The following COL17A1 variants were observed in gnomAD, a reference collection of about 807,000 sequenced individuals.
The protein encoded by COL17A1 is collagen alpha-1(XVII) chain.
COL17A1 carries 181 observed loss-of-function variants against 218.4 expected under a neutral mutation model. The observed-to-expected ratio is 0.83, with a 90% CI of 0.73 to 0.94. The LOEUF is 0.94. COL17A1 is among the 40% of genes least tolerant of loss of function. The pLI is 0.00. For synonymous variants in COL17A1, 721 were observed against 731.0 expected, an observed-to-expected ratio of 0.99 and a Z score of 0.22; for missense variants, 1,924 against 1,945.9, an observed-to-expected ratio of 0.99 and a Z score of 0.21.
At chr10:104,062,454 C>T in intron 11 of COL17A1, 125 bp from the exon 12 acceptor site, 1 of 1,290,666 alleles carries the variant, frequency 7.7e-7, no homozygotes, top group South Asian at 1.2e-5. Flanking sequence ...TCCCAAACTT[C>T]CTCGGTTCCC....
Position 104,039,595 on chromosome 10 carries a change from G to C in COL17A1, c.2821+13C>G. ...CTGGCCAGAGCCAGAATGGGGCGGG[G>C]TTCAGCCCTTACCTGAGGTTGAGAA... On this transcript the variant is annotated intron_variant, in intron 42 of 55. Coordinates refer to ENST00000648076, the MANE Select transcript of COL17A1 (RefSeq NM_000494.4). 1 of 1,614,180 alleles carries C rather than the reference G, an allele frequency of 6.2e-7. No homozygotes were observed. The highest frequency in any genetic ancestry group is 1.7e-5 in the Admixed American group (1 of 60,030).
chr10:104,067,358 A>T (rs2086635299), intron 9 of COL17A1, among the ~76,000 whole-genome samples: 1 of 147,790 alleles, frequency 6.8e-6, no homozygotes, highest in African/African-American at 2.5e-5. Flanking sequence ...AAAAAAAAAA[A>T]TCAGGATTAC....
chr10:104,050,451 G>A (rs2086457511), intron 27 of COL17A1, among the ~76,000 whole-genome samples, 170 bp downstream of exon 27: 1 of 152,138 alleles, frequency 6.6e-6, no homozygotes, highest in Non-Finnish European at 1.5e-5. Flanking sequence ...TGTGATGTTA[G>A]TGCTTTGTTT....
At chr10:104,058,662 G>C (rs1227008694) in intron 15 of COL17A1, among the ~76,000 whole-genome samples, 1 of 152,120 alleles carries the variant, frequency 6.6e-6, no homozygotes, top group South Asian at 2.1e-4. Context: ...GGCCAGGCAC[G>C]GTGACTCACG....
intron 6 of COL17A1, 70 bp from the exon 7 acceptor site, chr10:104,073,315 G>T: frequency 7.1e-7 from 1 of 1,400,544 alleles, no homozygotes. Flanking sequence ...TGACATGGAG[G>T]CAGATATATT....
chr10:104,039,396 C>G (rs1472393620), intron 43 of COL17A1, 49 bp downstream of exon 43: 2 of 1,590,676 alleles, frequency 1.3e-6, no homozygotes, highest in Admixed American at 3.3e-5. Context: ...GCTCTGGGCA[C>G]CAGGCTCACC....
At position 104,053,070 on chromosome 10, in the gene COL17A1, C is replaced by T. The variant is rs755604780; in HGVS notation, c.1900G>A (p.Glu634Lys). The change falls in exon 23 of 56, where the codon GAG becomes AAG. Residue 634 changes from glutamate (E) to lysine (K), a missense_variant. Coordinates refer to ENST00000648076, the MANE Select transcript of COL17A1 (RefSeq NM_000494.4). ...GREGPMGPRG[E>K]AGPPGSGEKG... is the part of the protein sequence containing the mutation. ...TCTCCAGATCCAGGAGGCCCTGCCT[C>T]ACCACGAGGTCCCATGGGGCCTTCT... The T allele has an allele frequency of 6.8e-6, 11 of 1,614,128 alleles. No individual in the cohort carries two copies. The highest frequency in any genetic ancestry group is 1.6e-4 in the Middle Eastern group (1 of 6,062).
rs1011220213 is a variant in COL17A1, at chr10:104,036,587, C to G, written c.3323G>C (p.Arg1108Pro). 1.9e-6 allele frequency: 3 copies of G among 1,613,862 alleles called. No individual in the cohort carries two copies. The African/African-American group carries it at 4.0e-5, about 22-fold the overall frequency. ...GGCTCCTGGTGGCCCTGGCGGACCC[C>G]GAGGGCCCATCAAGTACTGACGTAG... Reference protein sequence around the residue: ...QYLRQYLMGPRGPPGPPGASG... With the variant: ...QYLRQYLMGPPGPPGPPGASG... The change falls in exon 48 of 56, where the codon CGG (arginine) becomes CCG (proline). Residue 1108 changes from arginine (R) to proline (P), a missense_variant. Arg to Pro is a moderately radical substitution (Grantham distance 103). Transcript: ENST00000648076.
At chr10:104,037,591 C>T in intron 46 of COL17A1, 45 bp downstream of exon 46, 1 of 1,612,858 alleles carries the variant, frequency 6.2e-7, no homozygotes, top group Non-Finnish European at 8.5e-7. Flanking sequence ...AAAAGCAGAC[C>T]CACAGGAGGA....
chr10:104,061,874 A>G (rs1311999930), intron 12 of COL17A1, among the ~76,000 whole-genome samples: 1 of 152,162 alleles, frequency 6.6e-6, no homozygotes, highest in Non-Finnish European at 1.5e-5. Context: ...TCATGTCCCC[A>G]GTCACCCCCA....
intron 31 of COL17A1, 30 bp downstream of exon 31, chr10:104,047,709 G>T: frequency 6.3e-7 from 1 of 1,581,390 alleles, no homozygotes; most frequent in Non-Finnish European, 8.7e-7. Flanking sequence ...CACTAAGCAG[G>T]GCCATGGCTC....
intron 5 of COL17A1, among the ~76,000 whole-genome samples, chr10:104,075,604 C>G (rs987593965): frequency 8.5e-5 from 13 of 152,234 alleles, no homozygotes; most frequent in Admixed American, 7.8e-4. Context: ...CACATGGCTT[C>G]CAGAGTTCCA....
chr10:104,057,245 T>TGGTGACTTTC, intron 16 of COL17A1, 73 bp from the exon 17 acceptor site: 1 of 1,612,052 alleles, frequency 6.2e-7, no homozygotes, highest in Non-Finnish European at 8.5e-7. Context: ...CTCTGACTTT[T>TGGTGACTTTC]GGTGACTTTC....
At chr10:104,069,143 TG>T (rs1366292510) in intron 9 of COL17A1, among the ~76,000 whole-genome samples, 1 of 152,186 alleles carries the variant, frequency 6.6e-6, no homozygotes, top group Non-Finnish European at 1.5e-5. Flanking sequence ...GAAGACCTCC[TG>T]GGTTAAGGCC....
At chr10:104,055,162 T>C (rs537194551) in intron 19 of COL17A1, 155 bp from the exon 20 acceptor site, 4 of 1,463,812 alleles carry the variant, frequency 2.7e-6, no homozygotes, top group African/African-American at 2.8e-5. Flanking sequence ...TCTATGTCAT[T>C]TGGGCTCATT....
intron 33 of COL17A1, among the ~76,000 whole-genome samples, chr10:104,044,947 C>T (rs1227667338): frequency 1.3e-5 from 2 of 152,124 alleles, no homozygotes; most frequent in African/African-American, 2.4e-5. Context: ...AACTCCTTGG[C>T]CCAATCAGTC....
At chr10:104,036,106 G>GTGTGTGTA (rs1491224861) in intron 48 of COL17A1, among the ~76,000 whole-genome samples, 1 of 732 alleles carries the variant, frequency 1.4e-3, no homozygotes, top group South Asian at 0.038. Flanking sequence ...GTGTATGGGA[G>GTGTGTGTA]TGTGTGTGTA....
chr10:104,059,804 C>A (rs2086565745), intron 14 of COL17A1, 86 bp from the exon 15 acceptor site: 1 of 1,390,754 alleles, frequency 7.2e-7, no homozygotes, highest in Non-Finnish European at 1.0e-6. Context: ...TTGCCCACTA[C>A]CCTGCTTGGG....
chr10:104,038,620 G>C (rs2086327009), intron 44 of COL17A1, 92 bp from the exon 45 acceptor site: 1 of 1,517,024 alleles, frequency 6.6e-7, no homozygotes, highest in East Asian at 2.3e-5. Context: ...TGAGGAGGGA[G>C]GGTCTTCTCA....
Sources: allele counts gnomAD v4.1 joint callset (sites outside exome capture counted in the v4.1 genomes callset), GRCh38; gene constraint gnomAD v4.1.1; transcripts MANE v1.5; gene names NCBI Gene and HGNC (gene_info 2026-07-23, HGNC 2026-07-21).